The following NRG1 variants were observed in gnomAD, a reference collection of about 807,000 sequenced individuals.
The protein encoded by NRG1 is neuregulin 1, also known as pro-neuregulin-1, membrane-bound isoform.
In NRG1, 18 loss-of-function variants were observed where a neutral mutation model predicts 63.8. The ratio of observed to expected loss-of-function variants is 0.28; its 90% CI spans 0.19 to 0.42. The LOEUF (loss-of-function observed/expected upper bound fraction) is 0.42, where lower values mean the gene tolerates loss of function less well. Ranked by LOEUF, NRG1 falls within the 10% of genes least tolerant of loss-of-function variation. The pLI, the probability that NRG1 is intolerant of heterozygous loss-of-function variation, is 1.00. For synonymous variants in NRG1, 302 were observed against 301.3 expected, an observed-to-expected ratio of 1.00 and a Z score of -0.02; for missense variants, 762 against 814.7, an observed-to-expected ratio of 0.94 and a Z score of 0.79.
intron 1 of NRG1, among the ~76,000 whole-genome samples, chr8:31,933,165 C>A (rs978523091): frequency 6.6e-6 from 1 of 152,068 alleles, no homozygotes; most frequent in African/African-American, 2.4e-5. Context: ...ACAATCTACT[C>A]GTGTTTTTTA....
At chr8:32,042,972 G>GTGTGTGTGTGTGTGTA (rs1820326123) in intron 1 of NRG1, among the ~76,000 whole-genome samples, 1 of 151,610 alleles carries the variant, frequency 6.6e-6, no homozygotes, top group Non-Finnish European at 1.5e-5. Flanking sequence ...GTGTGTGTGT[G>GTGTGTGTGTGTGTGTA]TGTGTGTGTG....
chr8:32,000,496 G>A (rs1269378713), intron 1 of NRG1, among the ~76,000 whole-genome samples: 4 of 151,698 alleles, frequency 2.6e-5, no homozygotes, highest in Non-Finnish European at 5.9e-5. Context: ...CAAACTCCTG[G>A]CCTCAAGCAA....
chr8:32,114,284 C>T (rs1832420059), intron 1 of NRG1, among the ~76,000 whole-genome samples: 1 of 152,190 alleles, frequency 6.6e-6, no homozygotes, highest in Admixed American at 6.5e-5. Flanking sequence ...CAGCTAAATG[C>T]TTTAAAATGG....
intron 1 of NRG1, among the ~76,000 whole-genome samples, chr8:32,304,814 G>A (rs1856002968): frequency 6.6e-6 from 1 of 151,968 alleles, no homozygotes; most frequent in Admixed American, 6.6e-5. Flanking sequence ...CTTAAGGACA[G>A]GAGTTCAAGA....
chr8:31,973,002 G>A (rs1262392202), intron 1 of NRG1, among the ~76,000 whole-genome samples: 1 of 152,132 alleles, frequency 6.6e-6, no homozygotes, highest in Non-Finnish European at 1.5e-5. Flanking sequence ...ATAAATTTAT[G>A]GGGAGAAATG....
intron 1 of NRG1, among the ~76,000 whole-genome samples, chr8:31,743,782 G>T (rs1450281786): frequency 6.6e-6 from 1 of 151,822 alleles, no homozygotes; most frequent in African/African-American, 2.4e-5. Context: ...TTTTTCATCT[G>T]CCCAGAATAA....
At chr8:31,917,369 A>G (rs1404329472) in intron 1 of NRG1, among the ~76,000 whole-genome samples, 1 of 150,114 alleles carries the variant, frequency 6.7e-6, no homozygotes, top group Non-Finnish European at 1.5e-5. Context: ...ATCCATCTTG[A>G]ATTGATTTTT....
chr8:32,618,913 C>A (rs1053273880), intron 5 of NRG1, among the ~76,000 whole-genome samples: 3 of 151,996 alleles, frequency 2.0e-5, no homozygotes, highest in African/African-American at 7.2e-5. Context: ...GTTAACTTTG[C>A]AAACATCTAG....
intron 1 of NRG1, among the ~76,000 whole-genome samples, chr8:32,481,931 C>A (rs2129493198): frequency 6.6e-6 from 1 of 152,286 alleles, no homozygotes; most frequent in South Asian, 2.1e-4. Flanking sequence ...AGACCTCTAA[C>A]TGGGACTGAA....
intron 1 of NRG1, among the ~76,000 whole-genome samples, chr8:32,093,260 C>T (rs900321639): frequency 7.9e-5 from 12 of 152,034 alleles, no homozygotes; most frequent in East Asian, 1.9e-4. Flanking sequence ...GTGCATAGCC[C>T]GAGAAACACC....
chr8:31,681,724 T>G (rs1166935596), intron 1 of NRG1, among the ~76,000 whole-genome samples: 1 of 149,472 alleles, frequency 6.7e-6, no homozygotes, highest in Non-Finnish European at 1.5e-5. Context: ...ATTATATGCA[T>G]TATATATATT....
At chr8:32,375,520 G>A (rs953472343) in intron 1 of NRG1, among the ~76,000 whole-genome samples, 1 of 152,162 alleles carries the variant, frequency 6.6e-6, no homozygotes, top group African/African-American at 2.4e-5. Flanking sequence ...GAGAGAAGAT[G>A]TTGCCCATCC....
chr8:31,924,878 GT>G lies in NRG1; in HGVS notation c.37+285449del, dbSNP rs1429080657. Among the ~76,000 whole-genome samples the G allele has an allele frequency of 2.0e-5, 3 of 151,362 alleles. No homozygotes were observed. In the East Asian group the frequency reaches 5.8e-4, roughly 29 times the overall value. On this transcript the variant is annotated intron_variant, in intron 1 of 10. Transcript: ENST00000519301. ...AATCCAGGGGTTATTTAAAAAATAT[GT>G]TGCTTAAATTTAAATGATTTGAAGA... is the stretch of plus-strand genomic sequence containing the variant.
chr8:31,681,896 C>T (rs763196754), intron 1 of NRG1, among the ~76,000 whole-genome samples: 3 of 152,056 alleles, frequency 2.0e-5, no homozygotes, highest in Admixed American at 6.6e-5. Flanking sequence ...TTTTCACTAT[C>T]GACATCCCAA....
intron 5 of NRG1, among the ~76,000 whole-genome samples, chr8:32,702,633 C>T (rs1815236654): frequency 6.6e-6 from 1 of 152,084 alleles, no homozygotes; most frequent in Admixed American, 6.6e-5. Context: ...ATTACAGGCA[C>T]ATACAATCCA....
At chr8:31,829,808 G>A (rs948262292) in intron 1 of NRG1, among the ~76,000 whole-genome samples, 1 of 152,236 alleles carries the variant, frequency 6.6e-6, no homozygotes, top group Non-Finnish European at 1.5e-5. Context: ...AGACTGGCAG[G>A]TGACAAGGCA....
exon 1 of NRG1, chr8:32,548,737 G>C: frequency 6.3e-7 from 1 of 1,584,608 alleles, no homozygotes; most frequent in Non-Finnish European, 8.6e-7. Flanking sequence ...ATGTCCGAGC[G>C]CAAAGAAGGC....
At chr8:32,372,715 A>T (rs538538609) in intron 1 of NRG1, among the ~76,000 whole-genome samples, 173 of 152,312 alleles carry the variant, frequency 1.1e-3, no homozygotes, top group Non-Finnish European at 2.1e-3. Context: ...CAGCCCTCCC[A>T]ACTTTCACTT....
chr8:31,911,639 T>C (rs113707782), intron 1 of NRG1, among the ~76,000 whole-genome samples: 1 of 152,118 alleles, frequency 6.6e-6, no homozygotes, highest in Non-Finnish European at 1.5e-5. Context: ...GCTTAATACA[T>C]TGGGTGACAA....
Sources: allele counts gnomAD v4.1 joint callset (sites outside exome capture counted in the v4.1 genomes callset), GRCh38; gene constraint gnomAD v4.1.1; transcripts MANE v1.5; gene names NCBI Gene and HGNC (gene_info 2026-07-23, HGNC 2026-07-21).